The following P2RY14 variants were observed in gnomAD, a reference collection of about 807,000 sequenced individuals.
P2RY14 encodes P2Y purinoceptor 14.
In P2RY14, 2 loss-of-function variants were observed where a neutral mutation model predicts 0.9. That is an observed-to-expected ratio of 2.16 (90% CI 0.88 to 6.79). The LOEUF (loss-of-function observed/expected upper bound fraction) is 6.79, where lower values mean the gene tolerates loss of function less well. Ranked by LOEUF, P2RY14 falls within the 30% of genes most tolerant of loss-of-function variation. P2RY14 has a pLI of 0.05. For synonymous variants in P2RY14, 158 were observed against 147.2 expected (o/e 1.07, Z -0.53); for missense variants, 378 against 400.1 (o/e 0.94, Z 0.47).
intron 1 of P2RY14, among the ~76,000 whole-genome samples, chr3:151,229,035 A>G (rs532501077): frequency 6.6e-6 from 1 of 152,364 alleles, no homozygotes; most frequent in South Asian, 2.1e-4. Flanking sequence ...ACAAATTTCC[A>G]TGTGTGAGAA....
intron 1 of P2RY14, among the ~76,000 whole-genome samples, chr3:151,231,894 TCAGTA>T (rs1456636202): frequency 1.3e-5 from 2 of 152,212 alleles, no homozygotes; most frequent in Non-Finnish European, 2.9e-5. Flanking sequence ...TGAAAGTACT[TCAGTA>T]CAAGAAAACA....
At chr3:151,260,002 A>G (rs1019353995) in intron 1 of P2RY14, among the ~76,000 whole-genome samples, 3 of 152,168 alleles carry the variant, frequency 2.0e-5, no homozygotes, top group African/African-American at 2.4e-5. Flanking sequence ...ATTGGTAGGC[A>G]TTGTGAAGTG....
rs1339948320 is a variant in P2RY14 at position 151,278,482 on chromosome 3, A to T, written c.-328T>A. ...CAGATAGAATTTATTGAAGACTGGG[A>T]CGTGGAAACAAAGAGGAAGGAAGAG... On this transcript the variant is annotated 5_prime_UTR_variant, in exon 1 of 3. Transcript: ENST00000309170. 3.9e-5 allele frequency: 6 copies of T among 152,126 alleles called. No individual in the cohort carries two copies. The highest frequency in any genetic ancestry group is 1.4e-4 in the African/African-American group (6 of 41,442). 9.4% of individuals were successfully genotyped at this position (152,126 alleles called of 1,614,324 possible). A position where few individuals can be genotyped will look rare whatever the true frequency, so the allele number is the denominator to read the frequency against.
intron 1 of P2RY14, among the ~76,000 whole-genome samples, chr3:151,231,350 T>A (rs1056040266): frequency 6.6e-6 from 1 of 152,176 alleles, no homozygotes; most frequent in African/African-American, 2.4e-5. Context: ...TCTGAAAACA[T>A]ACTCCCCCAT....
chr3:151,247,941 A>G (rs1577112644), intron 1 of P2RY14, among the ~76,000 whole-genome samples: 1 of 105,196 alleles, frequency 9.5e-6, no homozygotes. Flanking sequence ...TCTTTTGTTT[A>G]CTTTCTTTCT....
At chr3:151,215,860 C>G (rs1192860964) in intron 2 of P2RY14, among the ~76,000 whole-genome samples, 1 of 152,202 alleles carries the variant, frequency 6.6e-6, no homozygotes, top group African/African-American at 2.4e-5. Context: ...CCATCTGCCT[C>G]CTTTTAGGTT....
intron 1 of P2RY14, among the ~76,000 whole-genome samples, chr3:151,248,389 A>G (rs1270963868): frequency 1.3e-5 from 2 of 152,080 alleles, no homozygotes; most frequent in African/African-American, 2.4e-5. Context: ...CTTTGGTTTC[A>G]TTATTTGTAG....
chr3:151,269,442 A>G, intron 1 of P2RY14: 1 of 177,790 alleles, frequency 5.6e-6, no homozygotes, highest in South Asian at 6.3e-5. Flanking sequence ...CACACACACA[A>G]AATTCAGAGA....
chr3:151,243,709 T>C (rs1734738614), intron 1 of P2RY14, among the ~76,000 whole-genome samples: 1 of 151,868 alleles, frequency 6.6e-6, no homozygotes, highest in South Asian at 2.1e-4. Context: ...CTGCATCAAC[T>C]AACGAGCAAA....
At chr3:151,262,676 C>T (rs1016983574) in intron 1 of P2RY14, among the ~76,000 whole-genome samples, 1 of 152,160 alleles carries the variant, frequency 6.6e-6, no homozygotes, top group Admixed American at 6.5e-5. Flanking sequence ...AAATCACCGA[C>T]AGATTTATTC....
chr3:151,248,013 T>C (rs1736067834), intron 1 of P2RY14, among the ~76,000 whole-genome samples: 1 of 144,364 alleles, frequency 6.9e-6, no homozygotes, highest in East Asian at 2.1e-4. Flanking sequence ...GAGTAGATTC[T>C]AAGCATGTAT....
chr3:151,269,919 T>A, intron 1 of P2RY14: 1 of 449,652 alleles, frequency 2.2e-6, no homozygotes, highest in Non-Finnish European at 4.4e-6. Context: ...GATGCAGGTG[T>A]TGTTGAGTTG....
intron 1 of P2RY14, among the ~76,000 whole-genome samples, chr3:151,241,464 T>A (rs908541787): frequency 1.3e-5 from 2 of 152,156 alleles, no homozygotes; most frequent in Non-Finnish European, 2.9e-5. Flanking sequence ...ATGTTTTGTG[T>A]TGAAGAAACA....
chr3:151,246,661 A>G (rs2149419560), intron 1 of P2RY14, among the ~76,000 whole-genome samples: 1 of 152,348 alleles, frequency 6.6e-6, no homozygotes, highest in Admixed American at 6.5e-5. Flanking sequence ...CTACAACCAT[A>G]AAAACCCTAG....
At chr3:151,229,757 G>A (rs950347075) in intron 1 of P2RY14, among the ~76,000 whole-genome samples, 10 of 151,602 alleles carry the variant, frequency 6.6e-5, no homozygotes, top group South Asian at 4.2e-4. Flanking sequence ...GAGCCACTGC[G>A]CCAGGCGAAC....
intron 1 of P2RY14, among the ~76,000 whole-genome samples, chr3:151,253,743 T>A (rs973347493): frequency 3.3e-5 from 5 of 152,132 alleles, no homozygotes; most frequent in African/African-American, 1.2e-4. Flanking sequence ...GTGGGGCAGG[T>A]GACTTTTTTG....
At chr3:151,249,128 C>T (rs919991285) in intron 1 of P2RY14, 2 of 152,050 alleles carry the variant, frequency 1.3e-5, no homozygotes, top group Admixed American at 6.6e-5. Context: ...TAAGTTGGAC[C>T]TGATTTGGAT....
Position 151,270,196 on chromosome 3 carries a change from C to CATGTGTGTGTGTGT in P2RY14, c.-133+8090_-133+8091insACACACACACACAT, listed in dbSNP as rs71621430. 4 of 129,646 alleles carry CATGTGTGTGTGTGT rather than the reference C, an allele frequency of 3.1e-5. No individual in the cohort carries two copies. In the Admixed American group the frequency reaches 3.5e-4, roughly 11 times the overall value. 8.0% of individuals were successfully genotyped at this position (129,646 alleles called of 1,614,324 possible). A position where few individuals can be genotyped will look rare whatever the true frequency, so the allele number is the denominator to read the frequency against. ...TCTCCAGTTCCTGGGAGCAAGCTGT[C>CATGTGTGTGTGTGT]GTGTGTGTGTGTGTGTGTGTGTGTG... On this transcript the variant is annotated intron_variant, in intron 1 of 2. Transcript: ENST00000309170.
At chr3:151,268,369 TAC>T (rs1288469566) in intron 1 of P2RY14, among the ~76,000 whole-genome samples, 1 of 152,208 alleles carries the variant, frequency 6.6e-6, no homozygotes, top group Admixed American at 6.5e-5. Flanking sequence ...CTAACATATA[TAC>T]AAAGAGGAAG....
Sources: gnomAD v4.1 joint callset for allele counts (sites outside exome capture counted in the v4.1 genomes callset) on GRCh38, gnomAD v4.1.1 for gene constraint, MANE v1.5 for transcripts, NCBI Gene and HGNC (gene_info 2026-07-23, HGNC 2026-07-21) for gene names.